RIPOR1: variants seen among roughly 807,000 people sequenced by gnomAD.
The protein encoded by RIPOR1 is rho family-interacting cell polarization regulator 1.
RIPOR1 carries 58 observed loss-of-function variants against 116.5 expected under a neutral mutation model. The observed-to-expected ratio is 0.50, with a 90% CI of 0.40 to 0.62. The LOEUF (loss-of-function observed/expected upper bound fraction) is 0.62, where lower values mean the gene tolerates loss of function less well. Among genes scored for constraint, RIPOR1 ranks in the 20% least tolerant of loss-of-function variants. The probability of loss-of-function intolerance (pLI) is 0.00; values close to 1 mark genes in which losing one functional copy is unlikely to be tolerated. For synonymous variants in RIPOR1, 605 were observed against 650.0 expected, an observed-to-expected ratio of 0.93 and a Z score of 1.05; for missense variants, 1,372 against 1,586.2, an observed-to-expected ratio of 0.86 and a Z score of 2.29.
chr16:67,522,902 C>T (rs1489760116), intron 1 of RIPOR1, among the ~76,000 whole-genome samples: 1 of 152,160 alleles, frequency 6.6e-6, no homozygotes, highest in African/African-American at 2.4e-5. Flanking sequence ...ATGTCACTGC[C>T]TCAAAGAGGC....
chr16:67,529,769 G>C lies in RIPOR1; in HGVS notation c.-24+855G>C. On this transcript the variant is annotated intron_variant, in intron 1 of 21. Coordinates refer to ENST00000042381, the MANE Select transcript of RIPOR1 (RefSeq NM_024519.4). The surrounding 1 kb of genome is among the most constrained non-coding windows in gnomAD (Gnocchi z 4.1). ...CTTGTGCCCTGGCTGCAGTCTGCGGGGCCGCGCCCTGGGCCTGCCGCATTC... is the reference window on the plus strand; with the variant it reads ...CTTGTGCCCTGGCTGCAGTCTGCGGCGCCGCGCCCTGGGCCTGCCGCATTC... 6.5e-7 allele frequency: 1 copy of C among 1,535,212 alleles called. No homozygotes were observed. Among genetic ancestry groups the C allele is most frequent in the South Asian group, 1.2e-5 (1 of 84,008 alleles).
chr16:67,540,204 A>C lies in RIPOR1; in HGVS notation c.566A>C (p.Glu189Ala). 1.9e-6 allele frequency: 3 copies of C among 1,613,914 alleles called. No homozygotes were observed. The highest frequency in any genetic ancestry group is 2.5e-6 in the Non-Finnish European group (3 of 1,179,916). ...ACTCGGGGGCATCGCGAGTACACGG[A>C]GGTGAGGGATGGGGGCCCATGAGGC... ...EATRGHREYT[E>A]SMCLLESELE... is the part of the protein sequence containing the mutation. The change falls in exon 7 of 22, where the codon GAG (glutamate) becomes GCG (alanine). Residue 189 changes from glutamate (E) to alanine (A), a missense_variant and splice_region_variant. Around this residue, in one of 3 missense-constraint regions of RIPOR1, gnomAD observed 202 missense variants for 295.9 expected, o/e 0.68. Coordinates refer to ENST00000042381, the MANE Select transcript of RIPOR1 (RefSeq NM_024519.4). The surrounding 1 kb of genome is among the most constrained non-coding windows in gnomAD (Gnocchi z 4.7).
intron 4 of RIPOR1, 147 bp from the exon 5 acceptor site, chr16:67,539,581 C>A (rs2050909284): frequency 1.0e-6 from 1 of 966,832 alleles, no homozygotes; most frequent in Non-Finnish European, 1.7e-6. Flanking sequence ...AAGGGCTAGA[C>A]CAGCAGGAAG....
At position 67,540,480 on chromosome 16, in the gene RIPOR1, G is replaced by A; in HGVS notation, c.654G>A (p.Leu218=). Residue 218 remains leucine, a synonymous_variant, in exon 9 of 22, where the codon CTG becomes CTA. Coordinates refer to ENST00000042381, the MANE Select transcript of RIPOR1 (RefSeq NM_024519.4). This position sits in a 1 kb window ranked among gnomAD's most constrained non-coding sequence, Gnocchi z 4.7. ...CAGGGCTGGCTGGCTTCGCCAGGCT[G>A]TGTGTAGGCGATCAGTATGAGGTAT... ...RMKGLAGFAR[L]CVGDQYEICM... is the part of the protein sequence containing the mutation. 6 of 1,614,200 alleles carry A rather than the reference G, an allele frequency of 3.7e-6. No individual in the cohort carries two copies. The highest frequency in any genetic ancestry group is 5.1e-6 in the Non-Finnish European group (6 of 1,180,014).
rs1278640313 is a variant in RIPOR1, at chr16:67,545,744, C to T, written c.3271C>T (p.Arg1091Ter). Residue 1091 changes from arginine to a stop codon, truncating the protein, a stop_gained, in exon 19 of 22, where the codon CGA (arginine) becomes TGA (stop). Coordinates refer to ENST00000042381, the MANE Select transcript of RIPOR1 (RefSeq NM_024519.4). LOFTEE classifies it high-confidence loss of function. The surrounding 1 kb of genome is among the most constrained non-coding windows in gnomAD (Gnocchi z 4.8). ...GAGATTGGCGCCCGAGGGGCGTCTG[C>T]GAAGGGACGGGCTGCGGGCCCTCAG... is the stretch of plus-strand genomic sequence containing the variant. ...ALRLAPEGRL[R>*]RDGLRALSSL... 3.7e-6 allele frequency: 6 copies of T among 1,610,360 alleles called. No individual in the cohort carries two copies. Among genetic ancestry groups the T allele is most frequent in the Non-Finnish European group, 5.1e-6 (6 of 1,178,256 alleles).
Position 67,544,408 on chromosome 16 carries a change from T to TA in RIPOR1, c.2711dup (p.Tyr904Ter). Residue 904 changes from tyrosine to a stop codon, truncating the protein, a stop_gained and frameshift_variant, in exon 15 of 22, where the codon TAC becomes TAAC. Transcript: ENST00000042381. LOFTEE classifies it high-confidence loss of function. This position sits in a 1 kb window ranked among gnomAD's most constrained non-coding sequence, Gnocchi z 5.1. ...GGATGCTGCCTTGGTCCGGCACCTG[T>TA]ACCACTGCAGTCGCCTCCTGCTGGT... ...ALDAALVRHLYHCSRLLLKLG... is the reference protein window; with the variant it reads ...ALDAALVRHL 6.2e-7 allele frequency: 1 copy of TA among 1,612,044 alleles called. No individual in the cohort carries two copies. Among genetic ancestry groups the TA allele is most frequent in the Non-Finnish European group, 8.5e-7 (1 of 1,179,528 alleles).
In RIPOR1 at chr16:67,540,755, G is replaced by A. The variant is rs199541130; in HGVS notation, c.801+51G>A. 2 of 1,531,496 alleles carry A rather than the reference G, an allele frequency of 1.3e-6. No homozygotes were observed. The highest frequency in any genetic ancestry group is 2.6e-5 in the South Asian group (2 of 77,948). 94.9% of individuals were successfully genotyped at this position (1,531,496 alleles called of 1,614,324 possible). ...GCCACCATGGCCCTGTGAACCCCTT[G>A]TGACCCCCATTACCCTGAGTCCCTT... is the stretch of plus-strand genomic sequence containing the variant. On this transcript the variant is annotated intron_variant, in intron 10 of 21. Coordinates refer to ENST00000042381, the MANE Select transcript of RIPOR1 (RefSeq NM_024519.4). This position sits in a 1 kb window ranked among gnomAD's most constrained non-coding sequence, Gnocchi z 4.7.
At position 67,543,445 on chromosome 16, in the gene RIPOR1, A is replaced by G; in HGVS notation, c.2576A>G (p.Glu859Gly). 6.4e-7 allele frequency: 1 copy of G among 1,556,390 alleles called. No homozygotes were observed. Among genetic ancestry groups the G allele is most frequent in the East Asian group, 2.4e-5 (1 of 41,592 alleles). The change falls in exon 14 of 22, where the codon GAA becomes GGA. Residue 859 changes from glutamate to glycine, a missense_variant. By Grantham distance (98) the Glu-to-Gly change is moderately conservative (BLOSUM62 -2). Around this residue, in one of 3 missense-constraint regions of RIPOR1, gnomAD observed 1,005 missense variants for 1,144.7 expected, o/e 0.88. Coordinates refer to ENST00000042381, the MANE Select transcript of RIPOR1 (RefSeq NM_024519.4). The surrounding 1 kb of genome is among the most constrained non-coding windows in gnomAD (Gnocchi z 4.7). ...AGCTTCCTCAATGAAGACGAAGATG[A>G]AGACAATGATGTTCCTGGGGACAGG... ...SFSFLNEDED[E>G]DNDVPGDRPP...
upstream of RIPOR1, among the ~76,000 whole-genome samples, chr16:67,524,763 T>G (rs919721723): frequency 6.6e-6 from 1 of 152,246 alleles, no homozygotes; most frequent in African/African-American, 2.4e-5. Flanking sequence ...TTCTGCCTCC[T>G]GAACATCTCT....
chr16:67,532,897 G>A (rs998648375), intron 1 of RIPOR1, among the ~76,000 whole-genome samples: 2 of 152,222 alleles, frequency 1.3e-5, no homozygotes, highest in Non-Finnish European at 2.9e-5. Context: ...ATGATTGCAG[G>A]TTAGAGTGGA....
upstream of RIPOR1, among the ~76,000 whole-genome samples, chr16:67,527,314 G>C (rs1003624259): frequency 2.0e-5 from 3 of 151,848 alleles, no homozygotes; most frequent in Admixed American, 2.0e-4. Context: ...GAAATTAGAA[G>C]GCGGAGGTTG....
intron 1 of RIPOR1, among the ~76,000 whole-genome samples, chr16:67,532,823 C>T (rs926255621): frequency 1.3e-5 from 2 of 152,198 alleles, no homozygotes; most frequent in Non-Finnish European, 1.5e-5. Context: ...CAATAAAGGA[C>T]AGTTTTTGGC....
At chr16:67,520,381 A>G (rs2050484950) in intron 1 of RIPOR1, among the ~76,000 whole-genome samples, 1 of 150,720 alleles carries the variant, frequency 6.6e-6, no homozygotes, top group African/African-American at 2.5e-5. Context: ...CCATCTCAAA[A>G]AAAAAAAAGA....
chr16:67,543,265 G>A lies in RIPOR1; in HGVS notation c.2478+1G>A. On this transcript the variant is annotated splice_donor_variant, in intron 13 of 21. Transcript: ENST00000042381. LOFTEE classifies it high-confidence loss of function. This position sits in a 1 kb window ranked among gnomAD's most constrained non-coding sequence, Gnocchi z 4.7. ...GACCCGCCTAGAAAGTCTGCTCATG[G>A]TGAGGAGGGCTGGGCTGGGCTAGGG... The A allele has an allele frequency of 6.2e-7, 1 of 1,602,186 alleles. No homozygotes were observed.
At chr16:67,533,804 C>CTT (rs11410499) in intron 1 of RIPOR1, among the ~76,000 whole-genome samples, 6 of 121,298 alleles carry the variant, frequency 4.9e-5, no homozygotes, top group Non-Finnish European at 1.0e-4. Context: ...CACAAGCAGT[C>CTT]TTTTTTTTTT....
Position 67,545,560 on chromosome 16 carries a change from G to A in RIPOR1, c.3190+26G>A. The A allele has an allele frequency of 1.2e-6, 2 of 1,612,740 alleles. No homozygotes were observed. The highest frequency in any genetic ancestry group is 1.7e-6 in the Non-Finnish European group (2 of 1,179,142). On this transcript the variant is annotated intron_variant, in intron 18 of 21. Transcript: ENST00000042381. This position sits in a 1 kb window ranked among gnomAD's most constrained non-coding sequence, Gnocchi z 4.8. ...GTGAGGCGGTGGCCCTGATCACATAGTGGCCTCTTGGGGTCTGAGGACATG... is the reference window on the plus strand; with the variant it reads ...GTGAGGCGGTGGCCCTGATCACATAATGGCCTCTTGGGGTCTGAGGACATG...
chr16:67,546,512 C>G lies in RIPOR1; in HGVS notation c.*49C>G, dbSNP rs762101992. 10 of 1,503,158 alleles carry G rather than the reference C, an allele frequency of 6.7e-6. No individual in the cohort carries two copies. Among genetic ancestry groups the G allele is most frequent in the Non-Finnish European group, 7.4e-6 (8 of 1,082,262 alleles). 93.1% of individuals were successfully genotyped at this position (1,503,158 alleles called of 1,614,324 possible). On this transcript the variant is annotated 3_prime_UTR_variant, in exon 22 of 22. Coordinates refer to ENST00000042381, the MANE Select transcript of RIPOR1 (RefSeq NM_024519.4). ...TGCCCCTTTCCCCCCACTTTCAGGG[C>G]TCACCAGGCACTGGCAGGGAGGGTA...
rs909696740 is a variant in RIPOR1, at chr16:67,529,927, C to T, written c.-24+1013C>T. ...CGAGGATTAGATCTGAGTCCTTGCC[C>T]CTGCGACACCCACCTCCGTGGTATT... On this transcript the variant is annotated intron_variant, in intron 1 of 21. Transcript: ENST00000042381. The surrounding 1 kb of genome is among the most constrained non-coding windows in gnomAD (Gnocchi z 4.1). The T allele has an allele frequency of 2.1e-5, 21 of 993,178 alleles. No homozygotes were observed. The highest frequency in any genetic ancestry group is 2.9e-5 in the Non-Finnish European group (19 of 651,128). 61.5% of individuals were successfully genotyped at this position (993,178 alleles called of 1,614,324 possible). A position where few individuals can be genotyped will look rare whatever the true frequency, so the allele number is the denominator to read the frequency against.
intron 1 of RIPOR1, among the ~76,000 whole-genome samples, chr16:67,534,827 C>CTTTTTTTCT (rs2050750710): frequency 4.2e-5 from 5 of 119,576 alleles, no homozygotes; most frequent in African/African-American, 1.3e-4. Flanking sequence ...CTAGGGTTTT[C>CTTTTTTTCT]TTTTTTTCTT....
Sources: allele counts gnomAD v4.1 joint callset (sites outside exome capture counted in the v4.1 genomes callset), GRCh38; gene constraint gnomAD v4.1.1; regional missense constraint gnomAD v4.1.1; non-coding constraint Gnocchi (gnomAD v3.1); transcripts MANE v1.5; gene names NCBI Gene and HGNC (gene_info 2026-07-23, HGNC 2026-07-21).